Variants in PPP1R12B observed in about 807,000 individuals in gnomAD.
The protein encoded by PPP1R12B is protein phosphatase 1 regulatory subunit 12B, also known as myosin phosphatase target subunit 2.
A neutral mutation model predicts 126.1 loss-of-function variants in PPP1R12B; 76 were observed. The ratio of observed to expected loss-of-function variants is 0.60; its 90% CI spans 0.50 to 0.73. PPP1R12B has a LOEUF of 0.73. Among genes scored for constraint, PPP1R12B ranks in the 30% least tolerant of loss-of-function variants. The pLI is 0.00. For missense variants in PPP1R12B, 1,052 were observed against 1,205.1 expected (o/e 0.87, Z 1.88); for synonymous variants, 356 against 434.7 (o/e 0.82, Z 2.25).
intron 1 of PPP1R12B, among the ~76,000 whole-genome samples, chr1:202,380,206 C>T (rs1039760681): frequency 6.6e-6 from 1 of 152,118 alleles, no homozygotes; most frequent in African/African-American, 2.4e-5. Flanking sequence ...CAGGTGTCAC[C>T]TCCTCTGTGA....
chr1:202,479,639 C>T (rs545718766), intron 13 of PPP1R12B, among the ~76,000 whole-genome samples: 1 of 152,170 alleles, frequency 6.6e-6, no homozygotes, highest in Admixed American at 6.5e-5. Flanking sequence ...CAGAAATAGA[C>T]CAGCCCTTGA....
At chr1:202,446,254 A>ATTTTTTTT (rs879273755) in intron 12 of PPP1R12B, among the ~76,000 whole-genome samples, 14 of 47,162 alleles carry the variant, frequency 3.0e-4, no homozygotes, top group African/African-American at 6.0e-4. Context: ...ATATATATAT[A>ATTTTTTTT]TATTTTTTTT....
At chr1:202,370,490 AT>A (rs1375660751) in intron 1 of PPP1R12B, among the ~76,000 whole-genome samples, 1 of 151,698 alleles carries the variant, frequency 6.6e-6, no homozygotes, top group East Asian at 1.9e-4. Context: ...TATTGTTTTT[AT>A]TTCTCTTGGG....
chr1:202,547,978 T>C (rs1443948564), intron 18 of PPP1R12B, among the ~76,000 whole-genome samples: 1 of 152,250 alleles, frequency 6.6e-6, no homozygotes, highest in African/African-American at 2.4e-5. Context: ...TTACTCTTTG[T>C]CAGTGCTGTA....
chr1:202,570,162 AG>A (rs1011301822), intron 23 of PPP1R12B, among the ~76,000 whole-genome samples: 1 of 152,232 alleles, frequency 6.6e-6, no homozygotes, highest in African/African-American at 2.4e-5. Flanking sequence ...TTGGTGAGAC[AG>A]GGTTATTCAA....
chr1:202,456,862 A>G (rs1673708343), intron 13 of PPP1R12B, among the ~76,000 whole-genome samples: 1 of 152,356 alleles, frequency 6.6e-6, no homozygotes, highest in South Asian at 2.1e-4. Flanking sequence ...CCAGAGTAAA[A>G]GACTGTAAAC....
intron 1 of PPP1R12B, among the ~76,000 whole-genome samples, chr1:202,389,927 A>T (rs1571768749): frequency 2.5e-5 from 1 of 39,532 alleles, no homozygotes; most frequent in South Asian, 9.6e-4. Flanking sequence ...ACTCTGTCTC[A>T]AAAAAAAAAA....
At chr1:202,453,095 A>T (rs1673212797) in intron 13 of PPP1R12B, among the ~76,000 whole-genome samples, 1 of 152,222 alleles carries the variant, frequency 6.6e-6, no homozygotes, top group African/African-American at 2.4e-5. Flanking sequence ...TTCGCCATTC[A>T]GTATGATAAT....
chr1:202,558,880 G>A lies in PPP1R12B; in HGVS notation c.2494G>A (p.Glu832Lys). ...GSEEVKETWHERLSRLESGGS... is the reference protein window; with the variant it reads ...GSEEVKETWHKRLSRLESGGS... Reference sequence around the variant, plus strand: ...TGTTTTTGTCTCCTTTCTCTAGCATGAAAGACTTTCTAGGTAAGAACTCTC... The same window carrying A: ...TGTTTTTGTCTCCTTTCTCTAGCATAAAAGACTTTCTAGGTAAGAACTCTC... The change falls in exon 19 of 24, where the codon GAA becomes AAA. Residue 832 changes from glutamate (E) to lysine (K), a missense_variant. Coordinates refer to ENST00000608999, the MANE Select transcript of PPP1R12B (RefSeq NM_002481.4). 6.4e-7 allele frequency: 1 copy of A among 1,571,196 alleles called. No individual in the cohort carries two copies. The highest frequency in any genetic ancestry group is 8.7e-7 in the Non-Finnish European group (1 of 1,148,814).
In PPP1R12B at chr1:202,488,515, AC is replaced by A. The variant is rs762887470; in HGVS notation, c.1851-17del. On this transcript the variant is annotated splice_polypyrimidine_tract_variant and intron_variant, in intron 13 of 23. Transcript: ENST00000608999. The stretch of plus-strand genomic sequence containing the variant: ...CAGCAAAGATCTTGCTTTTGCTATT[AC>A]TTTTTTTTCTCTGCAGGTCCTATCT... 1.2e-5 allele frequency: 19 copies of A among 1,559,684 alleles called. No individual in the cohort carries two copies. Among genetic ancestry groups the A allele is most frequent in the Non-Finnish European group, 1.7e-5 (19 of 1,136,090 alleles).
chr1:202,517,625 G>C (rs1291724028), intron 18 of PPP1R12B, among the ~76,000 whole-genome samples: 1 of 131,100 alleles, frequency 7.6e-6, no homozygotes, highest in Non-Finnish European at 1.7e-5. Flanking sequence ...ATTATAATGA[G>C]GTATCTTTTT....
intron 10 of PPP1R12B, chr1:202,440,025 G>GA (rs1013352318): frequency 2.0e-5 from 3 of 151,964 alleles, no homozygotes; most frequent in Admixed American, 6.5e-5. Flanking sequence ...TTAGTACTTA[G>GA]AAAAAAAAAA....
chr1:202,398,168 C>G (rs1329258284), intron 1 of PPP1R12B, among the ~76,000 whole-genome samples: 2 of 152,160 alleles, frequency 1.3e-5, no homozygotes, highest in African/African-American at 4.8e-5. Context: ...ATCTCATGCT[C>G]TGAAAGAGGG....
chr1:202,528,930 A>G (rs1394475894), intron 18 of PPP1R12B, among the ~76,000 whole-genome samples: 5 of 152,044 alleles, frequency 3.3e-5, no homozygotes, highest in African/African-American at 1.2e-4. Context: ...GCTAGAACCA[A>G]CTCTTAAATC....
At chr1:202,407,305 T>C (rs1370673258) in intron 1 of PPP1R12B, among the ~76,000 whole-genome samples, 3 of 152,212 alleles carry the variant, frequency 2.0e-5, no homozygotes, top group Admixed American at 2.0e-4. Flanking sequence ...TTAGGCAATA[T>C]GATACTTGCT....
intron 12 of PPP1R12B, among the ~76,000 whole-genome samples, chr1:202,445,834 C>T (rs1241154079): frequency 2.6e-5 from 4 of 152,146 alleles, no homozygotes; most frequent in Non-Finnish European, 5.9e-5. Context: ...TGTGAAAGTA[C>T]ATTAGGACTT....
chr1:202,363,801 G>C (rs1658649691), intron 1 of PPP1R12B, among the ~76,000 whole-genome samples: 1 of 152,158 alleles, frequency 6.6e-6, no homozygotes. Context: ...CCTGTTTGTT[G>C]CCCAGGCTGG....
chr1:202,375,013 G>T (rs1660943636), intron 1 of PPP1R12B, among the ~76,000 whole-genome samples: 1 of 152,030 alleles, frequency 6.6e-6, no homozygotes, highest in South Asian at 2.1e-4. Flanking sequence ...TGCGATCTCA[G>T]CTCACTGCAA....
intron 20 of PPP1R12B, among the ~76,000 whole-genome samples, chr1:202,563,915 A>C (rs1281460892): frequency 1.3e-5 from 2 of 152,134 alleles, no homozygotes; most frequent in Non-Finnish European, 2.9e-5. Context: ...CAAAAAATTG[A>C]AAAATTAGCT....
Sources: allele counts gnomAD v4.1 joint callset (sites outside exome capture counted in the v4.1 genomes callset), GRCh38; gene constraint gnomAD v4.1.1; transcripts MANE v1.5; gene names NCBI Gene and HGNC (gene_info 2026-07-23, HGNC 2026-07-21).